REC114: variants seen among roughly 807,000 people sequenced by gnomAD.
REC114 encodes the protein REC114 meiotic recombination protein, also known as meiotic recombination protein REC114.
Under a neutral mutation model 31.3 loss-of-function variants are expected in REC114, and 27 were observed. That is an observed-to-expected ratio of 0.86 (90% CI 0.64 to 1.19). REC114 has a LOEUF of 1.19. Ranked by LOEUF, REC114 falls within the 50% of genes most tolerant of loss-of-function variation. The pLI, the probability that REC114 is intolerant of heterozygous loss-of-function variation, is 0.00. For missense variants in REC114, 344 were observed against 326.9 expected (o/e 1.05, Z -0.40); for synonymous variants, 134 against 127.7 (o/e 1.05, Z -0.33).
intron 4 of REC114, among the ~76,000 whole-genome samples, chr15:73,552,236 G>T (rs745356552): frequency 6.6e-6 from 1 of 152,112 alleles, no homozygotes; most frequent in Non-Finnish European, 1.5e-5. Flanking sequence ...ATCTGAACAG[G>T]CTATTCTAAA....
At chr15:73,538,090 G>A in intron 2 of REC114, among the ~76,000 whole-genome samples, 1 of 152,120 alleles carries the variant, frequency 6.6e-6, no homozygotes, top group East Asian at 1.9e-4. Flanking sequence ...ACTAAAAATG[G>A]AATTTTAAAT....
rs781132361 is a variant in REC114, at chr15:73,550,927, T to C, written c.334-11T>C. 3 of 1,613,418 alleles carry C rather than the reference T, an allele frequency of 1.9e-6. No individual in the cohort carries two copies. The highest frequency in any genetic ancestry group is 2.2e-5 in the South Asian group (2 of 91,028). On this transcript the variant is annotated splice_polypyrimidine_tract_variant and intron_variant, in intron 3 of 5. Transcript: ENST00000331090. ...AGGGTCTCTCATGATAACTTTTGAT[T>C]TGTCAAACAGGACAAGAGTCGCCTG...
chr15:73,468,296 G>C (rs1463350453), intron 1 of REC114, among the ~76,000 whole-genome samples: 1 of 151,794 alleles, frequency 6.6e-6, no homozygotes, highest in East Asian at 1.9e-4. Context: ...TCAATGTGCT[G>C]GTCTTCTTTT....
intron 2 of REC114, among the ~76,000 whole-genome samples, chr15:73,534,679 A>G (rs1351290129): frequency 2.0e-5 from 3 of 152,250 alleles, no homozygotes; most frequent in Non-Finnish European, 4.4e-5. Flanking sequence ...AACTCATTTT[A>G]TGAAGCCAGC....
chr15:73,529,138 A>ATTTTT (rs1205314053), intron 2 of REC114, among the ~76,000 whole-genome samples: 1 of 150,252 alleles, frequency 6.7e-6, no homozygotes, highest in African/African-American at 2.5e-5. Flanking sequence ...TTATTTATTT[A>ATTTTT]TTTTATTTTT....
intron 1 of REC114, among the ~76,000 whole-genome samples, chr15:73,457,335 C>G (rs951060034): frequency 6.6e-6 from 1 of 152,080 alleles, no homozygotes; most frequent in African/African-American, 2.4e-5. Flanking sequence ...TGGCAGTTTC[C>G]TTACGCATAT....
chr15:73,528,258 T>A (rs1380600980), intron 2 of REC114, among the ~76,000 whole-genome samples: 1 of 152,156 alleles, frequency 6.6e-6, no homozygotes, highest in Admixed American at 6.5e-5. Context: ...AATGAAAAAA[T>A]TTAAAAATTA....
At position 73,496,351 on chromosome 15, in the gene REC114, C is replaced by CAAA. The variant is rs539098846; in HGVS notation, c.249+22455_249+22457dup. ...CTGGTGACAGAGCAAGACTCCTTCT[C>CAAA]AAAAAAAAAAAAAAAAAAAAAAAAA... On this transcript the variant is annotated intron_variant, in intron 2 of 5. Coordinates refer to ENST00000331090, the MANE Select transcript of REC114 (RefSeq NM_001042367.2). Among the ~76,000 whole-genome samples the CAAA allele has an allele frequency of 4.1e-3, 83 of 20,488 alleles. 5 individuals carry two copies. The highest frequency in any genetic ancestry group is 0.011 in the African/African-American group (77 of 6,716). 13.4% of individuals were successfully genotyped at this position (20,488 alleles called of 152,430 possible). A position where few individuals can be genotyped will look rare whatever the true frequency, so the allele number is the denominator to read the frequency against.
chr15:73,556,869 T>A (rs909602665), intron 5 of REC114, among the ~76,000 whole-genome samples: 3 of 152,110 alleles, frequency 2.0e-5, no homozygotes, highest in Non-Finnish European at 4.4e-5. Flanking sequence ...AACTCAGACT[T>A]GCTTTCAGAC....
intron 3 of REC114, among the ~76,000 whole-genome samples, chr15:73,540,849 G>A (rs1446521040): frequency 1.3e-5 from 2 of 152,130 alleles, no homozygotes; most frequent in Non-Finnish European, 2.9e-5. Flanking sequence ...ATTGGAAGTG[G>A]AGTACATCAT....
intron 2 of REC114, among the ~76,000 whole-genome samples, chr15:73,514,150 G>A (rs1255411775): frequency 9.9e-5 from 15 of 151,792 alleles, no homozygotes; most frequent in Non-Finnish European, 2.1e-4. Flanking sequence ...CTCGTGGTGC[G>A]CCGTTTTTTA....
At chr15:73,532,644 T>G (rs1047173282) in intron 2 of REC114, among the ~76,000 whole-genome samples, 1 of 152,110 alleles carries the variant, frequency 6.6e-6, no homozygotes. Context: ...TCTCCAGCAC[T>G]AGCAAGGCAG....
chr15:73,478,969 C>G (rs1488562744), intron 2 of REC114, among the ~76,000 whole-genome samples: 1 of 152,114 alleles, frequency 6.6e-6, no homozygotes, highest in African/African-American at 2.4e-5. Flanking sequence ...TTAGGGTTTT[C>G]TACATACATG....
chr15:73,470,743 T>C (rs977660803), intron 1 of REC114, among the ~76,000 whole-genome samples: 1 of 152,172 alleles, frequency 6.6e-6, no homozygotes, highest in African/African-American at 2.4e-5. Flanking sequence ...AGTAGTGTGG[T>C]TTAGATAACA....
chr15:73,504,003 T>C (rs1000596393), intron 2 of REC114, among the ~76,000 whole-genome samples: 1 of 135,948 alleles, frequency 7.4e-6, no homozygotes, highest in African/African-American at 2.7e-5. Context: ...AGGAATTTTT[T>C]TTTTTTTTTT....
At chr15:73,539,087 TGTGA>T (rs915854793) in intron 2 of REC114, among the ~76,000 whole-genome samples, 3 of 152,026 alleles carry the variant, frequency 2.0e-5, no homozygotes, top group African/African-American at 7.3e-5. Flanking sequence ...CAGCAATGTG[TGTGA>T]GTGCCAGTTT....
chr15:73,502,844 G>C (rs762390115), intron 2 of REC114, among the ~76,000 whole-genome samples: 48 of 152,148 alleles, frequency 3.2e-4, no homozygotes, highest in Non-Finnish European at 6.2e-4. Flanking sequence ...TTAGAATCCT[G>C]TTACCTCCAA....
intron 2 of REC114, among the ~76,000 whole-genome samples, chr15:73,521,343 T>C (rs1039835794): frequency 3.3e-5 from 5 of 152,182 alleles, no homozygotes; most frequent in Admixed American, 6.5e-5. Flanking sequence ...AATTGAATAA[T>C]TGTTGGCCTA....
intron 2 of REC114, among the ~76,000 whole-genome samples, chr15:73,480,342 TAAAC>T (rs1020012176): frequency 3.1e-4 from 47 of 151,658 alleles, no homozygotes; most frequent in South Asian, 2.3e-3. Flanking sequence ...ATTATTTAAA[TAAAC>T]AAATTTATTT....
Sources: allele counts gnomAD v4.1 joint callset (sites outside exome capture counted in the v4.1 genomes callset), GRCh38; gene constraint gnomAD v4.1.1; transcripts MANE v1.5; gene names NCBI Gene and HGNC (gene_info 2026-07-23, HGNC 2026-07-21).